The following MYO3B variants were observed in gnomAD, a reference collection of about 807,000 sequenced individuals.
MYO3B encodes the protein myosin-IIIb.
MYO3B carries 156 observed loss-of-function variants against 174.6 expected under a neutral mutation model. The ratio of observed to expected loss-of-function variants is 0.89; its 90% CI spans 0.78 to 1.02. MYO3B has a LOEUF of 1.02. MYO3B is among the 50% of genes least tolerant of loss of function. MYO3B has a pLI of 0.00. For synonymous variants in MYO3B, 563 were observed against 569.1 expected (o/e 0.99, Z 0.15); for missense variants, 1,632 against 1,639.4 (o/e 1.00, Z 0.08).
chr2:170,601,695 A>C (rs1291305984), intron 32 of MYO3B: 2 of 1,529,556 alleles, frequency 1.3e-6, no homozygotes, highest in East Asian at 4.5e-5. Flanking sequence ...TGCTTTTTTC[A>C]GCCTTGACAA....
intron 23 of MYO3B, among the ~76,000 whole-genome samples, chr2:170,460,113 G>C (rs1371025001): frequency 6.6e-6 from 1 of 152,194 alleles, no homozygotes; most frequent in Non-Finnish European, 1.5e-5. Flanking sequence ...AGCGTGGCCA[G>C]AGTGGATGCT....
chr2:170,370,853 ATTTGCCTGAC>A (rs2094237283), intron 9 of MYO3B, among the ~76,000 whole-genome samples: 3 of 151,286 alleles, frequency 2.0e-5, no homozygotes. Flanking sequence ...GGATTTTCAT[ATTTGCCTGAC>A]TTTGCCTGTC....
intron 7 of MYO3B, among the ~76,000 whole-genome samples, chr2:170,263,930 G>C (rs372857986): frequency 2.0e-5 from 3 of 152,222 alleles, no homozygotes; most frequent in South Asian, 4.1e-4. Context: ...TATCACATGT[G>C]GGGGAAACCT....
rs988388093 is a variant in MYO3B at position 170,382,313 on chromosome 2, T to C, written c.1068+201T>C. On this transcript the variant is annotated intron_variant, in intron 10 of 34. Transcript: ENST00000408978. ...TTTATTTAGATAGCCCCTAGAATGATGAAGAGAAAAGGATTTGGATTTTTG... is the reference window on the plus strand; with the variant it reads ...TTTATTTAGATAGCCCCTAGAATGACGAAGAGAAAAGGATTTGGATTTTTG... 7.7e-5 allele frequency: 33 copies of C among 427,198 alleles called. No homozygotes were observed. The East Asian group carries it at 8.5e-4, about 11-fold the overall frequency. 26.5% of individuals were successfully genotyped at this position (427,198 alleles called of 1,614,324 possible).
intron 17 of MYO3B, among the ~76,000 whole-genome samples, chr2:170,400,723 A>G (rs866830271): frequency 6.7e-6 from 1 of 149,324 alleles, no homozygotes; most frequent in African/African-American, 2.5e-5. Flanking sequence ...GGATGTTTTC[A>G]TGAACTAGTA....
At chr2:170,372,641 G>C (rs1376684914) in intron 9 of MYO3B, among the ~76,000 whole-genome samples, 1 of 152,166 alleles carries the variant, frequency 6.6e-6, no homozygotes, top group African/African-American at 2.4e-5. Flanking sequence ...ATAGAGACAA[G>C]AATCAGGTGA....
intron 23 of MYO3B, 56 bp downstream of exon 23, chr2:170,444,102 G>T: frequency 1.3e-6 from 2 of 1,487,722 alleles, no homozygotes; most frequent in African/African-American, 1.4e-5. Flanking sequence ...TCTTGACCCA[G>T]GGATAATCTT....
At chr2:170,600,275 A>T (rs1335787143) in intron 32 of MYO3B, among the ~76,000 whole-genome samples, 1 of 152,212 alleles carries the variant, frequency 6.6e-6, no homozygotes, top group African/African-American at 2.4e-5. Context: ...CTCCATCACA[A>T]AAGCACGTAA....
At chr2:170,399,201 C>A (rs2094458730) in intron 16 of MYO3B, among the ~76,000 whole-genome samples, 1 of 135,846 alleles carries the variant, frequency 7.4e-6, no homozygotes, top group Non-Finnish European at 1.5e-5. Flanking sequence ...GAGATCGCGC[C>A]ATTGCACTCC....
At chr2:170,624,440 G>A (rs1246591655) in intron 32 of MYO3B, among the ~76,000 whole-genome samples, 3 of 152,182 alleles carry the variant, frequency 2.0e-5, no homozygotes, top group Non-Finnish European at 2.9e-5. Flanking sequence ...TGCTGAGGTT[G>A]CTTATCAGCA....
intron 22 of MYO3B, among the ~76,000 whole-genome samples, chr2:170,433,921 A>C (rs903333344): frequency 2.0e-5 from 3 of 152,244 alleles, no homozygotes; most frequent in Non-Finnish European, 1.5e-5. Context: ...GTCATGTCCA[A>C]GTGGGCTGGG....
intron 25 of MYO3B, among the ~76,000 whole-genome samples, chr2:170,491,995 A>G (rs1686514808): frequency 6.6e-6 from 1 of 151,720 alleles, no homozygotes; most frequent in Non-Finnish European, 1.5e-5. Flanking sequence ...CAGAGGCTGC[A>G]GTGAGCTGGA....
At chr2:170,331,706 T>C (rs902928740) in intron 7 of MYO3B, among the ~76,000 whole-genome samples, 19 of 152,304 alleles carry the variant, frequency 1.2e-4, no homozygotes, top group Non-Finnish European at 2.5e-4. Flanking sequence ...TTCTGGGTCA[T>C]TCAGGTTATT....
chr2:170,232,483 T>C (rs2093025866), intron 6 of MYO3B, among the ~76,000 whole-genome samples: 1 of 152,242 alleles, frequency 6.6e-6, no homozygotes, highest in Non-Finnish European at 1.5e-5. Flanking sequence ...TCAGAACACC[T>C]GAGCGTAGTC....
At chr2:170,245,356 TGGG>T (rs1019354711) in intron 7 of MYO3B, among the ~76,000 whole-genome samples, 3 of 152,068 alleles carry the variant, frequency 2.0e-5, no homozygotes, top group African/African-American at 7.2e-5. Flanking sequence ...GTAAGCCCAA[TGGG>T]GGGATCAAAC....
intron 32 of MYO3B, among the ~76,000 whole-genome samples, chr2:170,622,780 T>A (rs1696046170): frequency 9.2e-6 from 1 of 109,244 alleles, no homozygotes; most frequent in Non-Finnish European, 2.2e-5. Context: ...TGTCCTGGTG[T>A]TCTCATTGTT....
At chr2:170,464,164 C>G (rs1402365335) in intron 24 of MYO3B, among the ~76,000 whole-genome samples, 3 of 151,954 alleles carry the variant, frequency 2.0e-5, no homozygotes, top group Non-Finnish European at 4.4e-5. Flanking sequence ...ACCAGCCTGG[C>G]CAACATGGTG....
chr2:170,513,166 A>T (rs180845125), intron 28 of MYO3B, among the ~76,000 whole-genome samples: 9 of 152,240 alleles, frequency 5.9e-5, no homozygotes, highest in African/African-American at 1.7e-4. Flanking sequence ...TAATTTCAGT[A>T]CTTAACATCT....
At chr2:170,408,623 T>C (rs926242578) in intron 22 of MYO3B, 3 of 152,042 alleles carry the variant, frequency 2.0e-5, no homozygotes, top group African/African-American at 7.2e-5. Flanking sequence ...GGCATGCTTT[T>C]AAGAAAAAGA....
Sources: allele counts gnomAD v4.1 joint callset (sites outside exome capture counted in the v4.1 genomes callset), GRCh38; gene constraint gnomAD v4.1.1; transcripts MANE v1.5; gene names NCBI Gene and HGNC (gene_info 2026-07-23, HGNC 2026-07-21).